The following NRXN2 variants were observed in gnomAD, a reference collection of about 807,000 sequenced individuals.
NRXN2 encodes neurexin 2, also known as neurexin-2-beta.
A neutral mutation model predicts 128.8 loss-of-function variants in NRXN2; 29 were observed. The observed-to-expected ratio is 0.23, with a 90% CI of 0.17 to 0.31. The LOEUF is 0.31. Ranked by LOEUF, NRXN2 falls within the 10% of genes least tolerant of loss-of-function variation. NRXN2 has a pLI of 1.00. For missense variants in NRXN2, 1,881 were observed against 2,452.6 expected (o/e 0.77, Z 4.92); for synonymous variants, 1,098 against 1,075.2 (o/e 1.02, Z -0.41).
chr11:64,668,546 G>C lies in NRXN2; in HGVS notation c.1256C>G (p.Thr419Ser). ...GAAGAAGTCATCAGAGCCCAGCATGGTGTAATCCTCCTGCGTGTAGCCTGT... is the reference window on the plus strand; with the variant it reads ...GAAGAAGTCATCAGAGCCCAGCATGCTGTAATCCTCCTGCGTGTAGCCTGT... ...TTTGYTQEDY[T>S]MLGSDDFFYI... Residue 419 changes from threonine (T) to serine (S), a missense_variant, in exon 8 of 23, where the codon ACC (threonine) becomes AGC (serine). This residue lies in a region of NRXN2 where 997 missense variants were observed against 1,240.8 expected (regional missense o/e 0.80). Transcript: ENST00000265459. 6.2e-7 allele frequency: 1 copy of C among 1,614,088 alleles called. No homozygotes were observed. Among genetic ancestry groups the C allele is most frequent in the African/African-American group, 1.3e-5 (1 of 75,052 alleles).
intron 21 of NRXN2, among the ~76,000 whole-genome samples, chr11:64,620,859 G>A (rs2042235622): frequency 6.6e-6 from 1 of 151,396 alleles, no homozygotes; most frequent in Non-Finnish European, 1.5e-5. Flanking sequence ...CCTGGAGCCT[G>A]AGAGAGCCGG....
chr11:64,642,853 G>A, intron 17 of NRXN2: 1 of 1,056,028 alleles, frequency 9.5e-7, no homozygotes, highest in Non-Finnish European at 1.1e-6. Flanking sequence ...GGGCGGGGAC[G>A]CGGGGCTGCG....
intron 2 of NRXN2, among the ~76,000 whole-genome samples, chr11:64,704,356 C>T (rs2055910725): frequency 6.6e-6 from 1 of 151,964 alleles, no homozygotes; most frequent in South Asian, 2.1e-4. Context: ...CATCTAACAC[C>T]CGGGCAATTA....
At chr11:64,659,974 C>T (rs1011110240) in intron 11 of NRXN2, among the ~76,000 whole-genome samples, 15 of 152,286 alleles carry the variant, frequency 9.8e-5, no homozygotes, top group African/African-American at 3.6e-4. Context: ...ATGAATGAAC[C>T]AATGAATGAG....
intron 2 of NRXN2, 88 bp from the exon 3 acceptor site, chr11:64,697,880 A>T: frequency 6.6e-7 from 1 of 1,519,686 alleles, no homozygotes; most frequent in South Asian, 1.2e-5. Flanking sequence ...CAGGGGCTCC[A>T]AGGGGAGAGA....
chr11:64,665,397 G>A (rs1407406663), intron 9 of NRXN2, among the ~76,000 whole-genome samples: 2 of 152,232 alleles, frequency 1.3e-5, no homozygotes, highest in Non-Finnish European at 2.9e-5. Context: ...TCGGTGTTGA[G>A]CTAACAGGAG....
At chr11:64,617,664 A>T (rs1406678163) in intron 22 of NRXN2, among the ~76,000 whole-genome samples, 1 of 152,104 alleles carries the variant, frequency 6.6e-6, no homozygotes, top group African/African-American at 2.4e-5. Context: ...GGCTGCCCCC[A>T]CCTCTGACAC....
At position 64,661,141 on chromosome 11, in the gene NRXN2, T is replaced by C; in HGVS notation, c.1799-2A>G. 6.2e-7 allele frequency: 1 copy of C among 1,613,364 alleles called. No homozygotes were observed. ...TGCGACTATTCACTGAGATGGAGCCTGGGAATCAAGGGAAGGCAGGATGGA... is the reference window on the plus strand; with the variant it reads ...TGCGACTATTCACTGAGATGGAGCCCGGGAATCAAGGGAAGGCAGGATGGA... On this transcript the variant is annotated splice_acceptor_variant, in intron 9 of 22. Coordinates refer to ENST00000265459, the MANE Select transcript of NRXN2 (RefSeq NM_015080.4). LOFTEE classifies it high-confidence loss of function.
rs1030865791 is a variant in NRXN2, at chr11:64,623,470, A to G, written c.3848-392T>C. ...CCCATCTTCTCCCTCTGCTTCCCCA[A>G]ACATCCTGCCCCAGTGTCCAGCCCC... On this transcript the variant is annotated intron_variant, in intron 20 of 22. Coordinates refer to ENST00000265459, the MANE Select transcript of NRXN2 (RefSeq NM_015080.4). This position sits in a 1 kb window ranked among gnomAD's most constrained non-coding sequence, Gnocchi z 4.9. The G allele has an allele frequency of 4.4e-5, 12 of 273,678 alleles. No homozygotes were observed. Among genetic ancestry groups the G allele is most frequent in the South Asian group, 1.8e-4 (4 of 22,396 alleles). The allele number at this position is 273,678 out of a possible 1,614,324, so 17.0% of individuals were successfully genotyped here. A position where few individuals can be genotyped will look rare whatever the true frequency, so the allele number is the denominator to read the frequency against.
chr11:64,697,915 G>T, intron 2 of NRXN2, 123 bp from the exon 3 acceptor site: 1 of 1,128,818 alleles, frequency 8.9e-7, no homozygotes. Flanking sequence ...CCCAGGCCCT[G>T]ACATGAGTCA....
intron 2 of NRXN2, among the ~76,000 whole-genome samples, chr11:64,709,908 CTTTTT>C (rs530817393): frequency 2.1e-5 from 3 of 139,848 alleles, no homozygotes; most frequent in African/African-American, 5.3e-5. Flanking sequence ...TTTCTTCTTC[CTTTTT>C]TTTTTTTTTT....
At chr11:64,694,105 A>C (rs969504658) in intron 3 of NRXN2, among the ~76,000 whole-genome samples, 11 of 152,138 alleles carry the variant, frequency 7.2e-5, no homozygotes, top group African/African-American at 2.7e-4. Context: ...TCTCTCCTAG[A>C]GAGGCTGGCA....
At chr11:64,688,875 T>G in intron 5 of NRXN2, 1 of 926,978 alleles carries the variant, frequency 1.1e-6, no homozygotes, top group Non-Finnish European at 1.3e-6. Context: ...CCCTCCGCCC[T>G]CCCTACTCTC....
intron 5 of NRXN2, among the ~76,000 whole-genome samples, chr11:64,686,451 T>G (rs1049383704): frequency 2.6e-5 from 4 of 152,178 alleles, no homozygotes; most frequent in African/African-American, 9.7e-5. Context: ...GGAGACAGTT[T>G]CAGCCTCACC....
chr11:64,697,678 C>A (rs2054751946), intron 3 of NRXN2, 97 bp downstream of exon 3: 1 of 1,437,078 alleles, frequency 7.0e-7, no homozygotes. Flanking sequence ...CTAAACATGG[C>A]AGGAAAGGGA....
chr11:64,612,691 C>A (rs2040863053), intron 22 of NRXN2, among the ~76,000 whole-genome samples: 1 of 152,236 alleles, frequency 6.6e-6, no homozygotes, highest in South Asian at 2.1e-4. Context: ...CATTCTCACC[C>A]AAGCAAGGTG....
At chr11:64,685,564 C>T in intron 6 of NRXN2, 82 bp downstream of exon 6, 2 of 1,578,822 alleles carry the variant, frequency 1.3e-6, no homozygotes, top group Non-Finnish European at 8.7e-7. Flanking sequence ...CCCTCCACCA[C>T]AAGCTCCCGG....
chr11:64,645,051 G>C (rs904407052), intron 17 of NRXN2, among the ~76,000 whole-genome samples: 2 of 152,178 alleles, frequency 1.3e-5, no homozygotes, highest in Admixed American at 1.3e-4. Flanking sequence ...CCCAGAGGAG[G>C]CTTCCGGTGG....
chr11:64,683,966 T>C (rs1009912751), intron 6 of NRXN2, among the ~76,000 whole-genome samples: 5 of 152,184 alleles, frequency 3.3e-5, no homozygotes, highest in African/African-American at 1.2e-4. Flanking sequence ...ACTTGAGTCC[T>C]AGGGTGTTTA....
Sources: allele counts gnomAD v4.1 joint callset (sites outside exome capture counted in the v4.1 genomes callset), GRCh38; gene constraint gnomAD v4.1.1; regional missense constraint gnomAD v4.1.1; non-coding constraint Gnocchi (gnomAD v3.1); transcripts MANE v1.5; gene names NCBI Gene and HGNC (gene_info 2026-07-23, HGNC 2026-07-21).